HDLBP: variants seen among roughly 807,000 people sequenced by gnomAD.
HDLBP encodes the protein vigilin.
Under a neutral mutation model 137.3 loss-of-function variants are expected in HDLBP, and 30 were observed. That is an observed-to-expected ratio of 0.22 (90% CI 0.16 to 0.30). The LOEUF is 0.30. Among genes scored for constraint, HDLBP ranks in the 10% least tolerant of loss-of-function variants. The pLI, the probability that HDLBP is intolerant of heterozygous loss-of-function variation, is 1.00. For missense variants in HDLBP, 1,119 were observed against 1,667.3 expected, an observed-to-expected ratio of 0.67 and a Z score of 5.73; for synonymous variants, 606 against 596.0, an observed-to-expected ratio of 1.02 and a Z score of -0.24.
At chr2:241,245,126 A>G (rs1322060109) in intron 16 of HDLBP, among the ~76,000 whole-genome samples, 1 of 152,112 alleles carries the variant, frequency 6.6e-6, no homozygotes, top group Non-Finnish European at 1.5e-5. Context: ...AAATATAAAT[A>G]TGTGATATAT....
intron 1 of HDLBP, among the ~76,000 whole-genome samples, chr2:241,303,912 G>A (rs1054967789): frequency 2.0e-5 from 3 of 152,078 alleles, no homozygotes; most frequent in South Asian, 2.1e-4. Flanking sequence ...GGGCTCAAAC[G>A]TGCCTCCCAC....
At chr2:241,265,001 T>C (rs1417878671) in intron 3 of HDLBP, among the ~76,000 whole-genome samples, 4 of 152,234 alleles carry the variant, frequency 2.6e-5, no homozygotes, top group Non-Finnish European at 5.9e-5. Context: ...ATCACAACTA[T>C]GGCAATGCCA....
Position 241,236,988 on chromosome 2 carries a change from G to C in HDLBP, c.2750-219C>G, listed in dbSNP as rs1034443449. 2.7e-4 allele frequency among the ~76,000 whole-genome samples: 41 copies of C among 150,674 alleles called. 2 individuals carry two copies. The highest frequency in any genetic ancestry group is 8.5e-4 in the Admixed American group (13 of 15,212). On this transcript the variant is annotated intron_variant, in intron 20 of 27. Coordinates refer to ENST00000310931, the MANE Select transcript of HDLBP (RefSeq NM_005336.6). ...GGGCTCCCAGACCTTGGGGGGGGGG[G>C]GGGGGGCGGCAATGAAGGCTTTGCC...
chr2:241,248,854 C>G (rs1355892389), intron 12 of HDLBP, among the ~76,000 whole-genome samples: 1 of 152,138 alleles, frequency 6.6e-6, no homozygotes, highest in Non-Finnish European at 1.5e-5. Flanking sequence ...AACTCCTCCA[C>G]AGGCCCCATT....
At position 241,248,356 on chromosome 2, in the gene HDLBP, T is replaced by C. The variant is rs780102595; in HGVS notation, c.1513-8A>G. On this transcript the variant is annotated splice_polypyrimidine_tract_variant and splice_region_variant and intron_variant, in intron 12 of 27. Coordinates refer to ENST00000310931, the MANE Select transcript of HDLBP (RefSeq NM_005336.6). ...CTTGGTACGCTCATTTTCCTAAAAA[T>C]ACAATTAAAGTAGATGTCATTTATC... 6.7e-5 allele frequency: 108 copies of C among 1,603,766 alleles called. No individual in the cohort carries two copies. Among genetic ancestry groups the C allele is most frequent in the Non-Finnish European group, 7.7e-5 (90 of 1,170,734 alleles).
Position 241,272,175 on chromosome 2 carries a change from G to A in HDLBP, c.-102-3634C>T, listed in dbSNP as rs1014163478. 53 of 985,038 alleles carry A rather than the reference G, an allele frequency of 5.4e-5. No individual in the cohort carries two copies. Among genetic ancestry groups the A allele is most frequent in the Non-Finnish European group, 5.9e-5 (49 of 829,750 alleles). The allele number at this position is 985,038 out of a possible 1,614,324, so 61.0% of individuals were successfully genotyped here. On this transcript the variant is annotated intron_variant, in intron 1 of 27. Transcript: ENST00000310931. This position sits in a 1 kb window ranked among gnomAD's most constrained non-coding sequence, Gnocchi z 5.6. Reference sequence around the variant, plus strand: ...CCCACCCCCGAACACGTAGACTGACGCGGGCCCCGCGCGGCAGGTGGAGGT... The same window carrying A: ...CCCACCCCCGAACACGTAGACTGACACGGGCCCCGCGCGGCAGGTGGAGGT...
intron 1 of HDLBP, among the ~76,000 whole-genome samples, chr2:241,296,342 TA>T (rs1473647750): frequency 6.6e-6 from 1 of 152,204 alleles, no homozygotes; most frequent in Non-Finnish European, 1.5e-5. Context: ...CAACATACTC[TA>T]AAATAAATTT....
intron 5 of HDLBP, among the ~76,000 whole-genome samples, chr2:241,259,533 G>C (rs1326720735): frequency 4.3e-5 from 6 of 140,394 alleles, no homozygotes; most frequent in Non-Finnish European, 8.0e-5. Context: ...CTGTCACCCA[G>C]GCTGGGCTGT....
chr2:241,229,955 C>G lies in HDLBP; in HGVS notation c.3598G>C (p.Asp1200His), dbSNP rs1400306870. Residue 1200 changes from aspartate to histidine, a missense_variant, in exon 27 of 28, where the codon GAC (aspartate) becomes CAC (histidine). Physicochemically the swap from Asp to His is moderately conservative, Grantham distance 81 (BLOSUM62 -1). Transcript: ENST00000310931. ...TGCAGCGCCTCACTGTCCACCACGTCAGCTAGCTGCAGGCAGAAGACAGGA... is the reference window on the plus strand; with the variant it reads ...TGCAGCGCCTCACTGTCCACCACGTGAGCTAGCTGCAGGCAGAAGACAGGA... ...ILNLEEEYLA[D>H]VVDSEALQVY... 1.3e-6 allele frequency: 2 copies of G among 1,596,378 alleles called. No individual in the cohort carries two copies. The highest frequency in any genetic ancestry group is 4.5e-5 in the East Asian group (2 of 44,604).
At position 241,239,785 on chromosome 2, in the gene HDLBP, G is replaced by C. The variant is rs2071021077; in HGVS notation, c.2427C>G (p.Pro809=). ...NVVEDSMLVD[P]KHHRHFVIRR... Reference sequence around the variant, plus strand: ...GGATGACGAAGTGGCGGTGGTGCTTGGGGTCCACCAGCATGGAGTCTTCCA... The same window carrying C: ...GGATGACGAAGTGGCGGTGGTGCTTCGGGTCCACCAGCATGGAGTCTTCCA... Residue 809 remains proline (P), a synonymous_variant, in exon 19 of 28, where the codon CCC becomes CCG. Transcript: ENST00000310931. This position sits in a 1 kb window ranked among gnomAD's most constrained non-coding sequence, Gnocchi z 4.6. 1 of 1,613,876 alleles carries C rather than the reference G, an allele frequency of 6.2e-7. No homozygotes were observed. The highest frequency in any genetic ancestry group is 1.3e-5 in the African/African-American group (1 of 74,922).
intron 3 of HDLBP, among the ~76,000 whole-genome samples, chr2:241,265,928 C>A (rs963444047): frequency 4.6e-5 from 7 of 152,230 alleles, no homozygotes; most frequent in Non-Finnish European, 8.8e-5. Context: ...CCTGACACAG[C>A]AGCCACCAGA....
Position 241,239,883 on chromosome 2 carries a change from C to T in HDLBP, c.2391+18G>A. 1 of 1,613,096 alleles carries T rather than the reference C, an allele frequency of 6.2e-7. No individual in the cohort carries two copies. The highest frequency in any genetic ancestry group is 8.5e-7 in the Non-Finnish European group (1 of 1,179,160). On this transcript the variant is annotated intron_variant, in intron 18 of 27. Coordinates refer to ENST00000310931, the MANE Select transcript of HDLBP (RefSeq NM_005336.6). The surrounding 1 kb of genome is among the most constrained non-coding windows in gnomAD (Gnocchi z 4.6). ...ATCACGGCCCCAGCAGAGTCGGCCG[C>T]CGAGGCCCGCTCCCTACCAGGTTTT...
At position 241,294,343 on chromosome 2, in the gene HDLBP, G is replaced by GA. The variant is rs542544046; in HGVS notation, c.-103+21226dup. Among the ~76,000 whole-genome samples the GA allele has an allele frequency of 1.8e-4, 28 of 152,328 alleles. 1 individual carries two copies. The South Asian group carries it at 5.8e-3, about 32-fold the overall frequency. ...TAAAACACATGGTTTACACATGGTA[G>GA]AAAGAGTTGTTCCCCAAAGGAAAAT... On this transcript the variant is annotated intron_variant, in intron 1 of 27. Coordinates refer to ENST00000310931, the MANE Select transcript of HDLBP (RefSeq NM_005336.6).
chr2:241,255,259 A>T, intron 8 of HDLBP, 101 bp from the exon 9 acceptor site: 1 of 1,427,110 alleles, frequency 7.0e-7, no homozygotes, highest in South Asian at 1.2e-5. Context: ...GCTCTCCCCA[A>T]ACCTGGGCAC....
At position 241,248,312 on chromosome 2, in the gene HDLBP, T is replaced by G. The variant is rs2071839756; in HGVS notation, c.1549A>C (p.Arg517=). 6.2e-7 allele frequency: 1 copy of G among 1,613,834 alleles called. No homozygotes were observed. The highest frequency in any genetic ancestry group is 1.7e-5 in the Admixed American group (1 of 60,006). The change falls in exon 13 of 28, where the codon AGA becomes CGA. Residue 517 remains arginine, a synonymous_variant. Transcript: ENST00000310931. ...ERTKDLIIEQ[R]FHRTIIGQKG... is the part of the protein sequence containing the mutation. ...TGCCCAATGATTGTGCGATGAAATC[T>G]TTGCTCAATGATTAGATCCTTGGTA...
chr2:241,297,920 C>T (rs2075242792), intron 1 of HDLBP, among the ~76,000 whole-genome samples: 1 of 151,106 alleles, frequency 6.6e-6, no homozygotes, highest in Non-Finnish European at 1.5e-5. Context: ...TGGTGGCACA[C>T]ATCTGCAGTC....
chr2:241,230,118 G>A lies in HDLBP; in HGVS notation c.3591+35C>T. 1 of 1,591,292 alleles carries A rather than the reference G, an allele frequency of 6.3e-7. No individual in the cohort carries two copies. Among genetic ancestry groups the A allele is most frequent in the Non-Finnish European group, 8.6e-7 (1 of 1,159,710 alleles). On this transcript the variant is annotated intron_variant, in intron 26 of 27. Coordinates refer to ENST00000310931, the MANE Select transcript of HDLBP (RefSeq NM_005336.6). The surrounding 1 kb of genome is among the most constrained non-coding windows in gnomAD (Gnocchi z 5.0). ...GGCCTCAGGCCGGTGGACGTGCCAG[G>A]GCGCCTCAGGGCTCCAAGGCCCACA... is the stretch of plus-strand genomic sequence containing the variant.
At chr2:241,307,471 T>C (rs967270217) in intron 1 of HDLBP, among the ~76,000 whole-genome samples, 1 of 152,176 alleles carries the variant, frequency 6.6e-6, no homozygotes, top group African/African-American at 2.4e-5. Context: ...TTAATTAACA[T>C]TGACAGTATT....
At chr2:241,247,598 C>T (rs1461825899) in intron 14 of HDLBP, among the ~76,000 whole-genome samples, 3 of 152,232 alleles carry the variant, frequency 2.0e-5, no homozygotes, top group Non-Finnish European at 4.4e-5. Context: ...CTACTCACTA[C>T]ACTTTCTAAA....
Sources: allele counts gnomAD v4.1 joint callset (sites outside exome capture counted in the v4.1 genomes callset), GRCh38; gene constraint gnomAD v4.1.1; non-coding constraint Gnocchi (gnomAD v3.1); transcripts MANE v1.5; gene names NCBI Gene and HGNC (gene_info 2026-07-23, HGNC 2026-07-21).